NELL1: variants seen among roughly 807,000 people sequenced by gnomAD.
NELL1 encodes the protein protein kinase C-binding protein NELL1.
Under a neutral mutation model 107.4 loss-of-function variants are expected in NELL1, and 76 were observed. The observed-to-expected ratio is 0.71, with a 90% confidence interval of 0.59 to 0.86. The LOEUF (loss-of-function observed/expected upper bound fraction) is 0.86. Among genes scored for constraint, NELL1 ranks in the 40% least tolerant of loss-of-function variants. The pLI is 0.00. For missense variants in NELL1, 1,024 were observed against 1,005.5 expected (o/e 1.02, Z -0.25); for synonymous variants, 353 against 341.2 (o/e 1.03, Z -0.38).
At chr11:21,098,309 C>G (rs1414482208) in intron 12 of NELL1, among the ~76,000 whole-genome samples, 1 of 152,192 alleles carries the variant, frequency 6.6e-6, no homozygotes, top group Admixed American at 6.5e-5. Flanking sequence ...TTATCACCTT[C>G]TTGTGACAGT....
At chr11:21,277,132 T>A (rs1434716689) in intron 14 of NELL1, among the ~76,000 whole-genome samples, 1 of 151,296 alleles carries the variant, frequency 6.6e-6, no homozygotes, top group East Asian at 1.9e-4. Flanking sequence ...TGGGAGAAAA[T>A]TTTTGCAATC....
chr11:21,528,333 G>T (rs1193232714), intron 15 of NELL1, among the ~76,000 whole-genome samples: 1 of 152,114 alleles, frequency 6.6e-6, no homozygotes, highest in Non-Finnish European at 1.5e-5. Context: ...TGTTAGGAGG[G>T]GGGCCGAGTA....
At chr11:20,939,723 GA>G (rs1348613686) in intron 10 of NELL1, among the ~76,000 whole-genome samples, 1 of 152,132 alleles carries the variant, frequency 6.6e-6, no homozygotes, top group Non-Finnish European at 1.5e-5. Context: ...GACTGGATCA[GA>G]AGAAGCCAAA....
chr11:20,726,638 G>A (rs1466486985), intron 2 of NELL1, among the ~76,000 whole-genome samples: 2 of 151,650 alleles, frequency 1.3e-5, no homozygotes, highest in Non-Finnish European at 2.9e-5. Flanking sequence ...GGGTACATGT[G>A]CACAATGTGC....
chr11:20,694,257 GATC>G (rs1854553499), intron 2 of NELL1, among the ~76,000 whole-genome samples: 1 of 152,032 alleles, frequency 6.6e-6, no homozygotes, highest in Non-Finnish European at 1.5e-5. Context: ...GGAGTAGTTT[GATC>G]ATCTGAAGCC....
rs1034728806 is a variant in NELL1 at position 21,240,773 on chromosome 11, G to A, written c.1549+11319G>A. 2.8e-5 allele frequency among the ~76,000 whole-genome samples: 4 copies of A among 144,224 alleles called. No individual in the cohort carries two copies. The East Asian group carries it at 6.2e-4, about 23-fold the overall frequency. The allele number at this position is 144,224 out of a possible 152,430, so 94.6% of individuals were successfully genotyped here. Reference sequence around the variant, plus strand: ...CTTCAAGTGCCTTTCTAGTGGGGGGGGGGAGGGGGGAGTCTATTGGATGCG... The same window carrying A: ...CTTCAAGTGCCTTTCTAGTGGGGGGAGGGAGGGGGGAGTCTATTGGATGCG... On this transcript the variant is annotated intron_variant, in intron 14 of 19. Coordinates refer to ENST00000357134, the MANE Select transcript of NELL1 (RefSeq NM_006157.5).
intron 12 of NELL1, among the ~76,000 whole-genome samples, chr11:21,090,846 G>A (rs547306218): frequency 9.2e-5 from 14 of 152,136 alleles, no homozygotes; most frequent in Non-Finnish European, 1.9e-4. Context: ...TCCTATTATT[G>A]GATATAATCT....
At chr11:21,220,496 A>G (rs1033128506) in intron 13 of NELL1, among the ~76,000 whole-genome samples, 7 of 152,142 alleles carry the variant, frequency 4.6e-5, no homozygotes, top group African/African-American at 1.7e-4. Flanking sequence ...TAATTCTTTC[A>G]ATTCATGAAC....
intron 13 of NELL1, among the ~76,000 whole-genome samples, chr11:21,153,658 T>C (rs1461308072): frequency 6.6e-6 from 1 of 152,184 alleles, no homozygotes; most frequent in African/African-American, 2.4e-5. Flanking sequence ...ACACTTACTA[T>C]CACTCTTGGC....
chr11:21,049,866 C>T lies in NELL1; in HGVS notation c.1301-63723C>T, dbSNP rs1199432586. ...CTAATTTTTGTATTTTTAGTAGAGA[C>T]GGTGTTTCACCATATTGGTCAGTCT... On this transcript the variant is annotated intron_variant, in intron 12 of 19. Coordinates refer to ENST00000357134, the MANE Select transcript of NELL1 (RefSeq NM_006157.5). Among the ~76,000 whole-genome samples, 15 of 152,130 alleles carry T rather than the reference C, an allele frequency of 9.9e-5. No individual in the cohort carries two copies. In the South Asian group the frequency reaches 2.1e-3, roughly 21 times the overall value.
chr11:20,897,936 A>G (rs986759513), intron 5 of NELL1, among the ~76,000 whole-genome samples: 12 of 152,154 alleles, frequency 7.9e-5, no homozygotes, highest in African/African-American at 2.9e-4. Flanking sequence ...GCTGGAGAGG[A>G]TGTGTAGAAA....
intron 15 of NELL1, among the ~76,000 whole-genome samples, chr11:21,425,157 A>G (rs911210806): frequency 7.2e-5 from 11 of 152,190 alleles, no homozygotes; most frequent in African/African-American, 2.4e-4. Flanking sequence ...AGCAAACTCA[A>G]TGACTCAATA....
rs549001510 is a variant in NELL1 at position 21,560,635 on chromosome 11, G to C, written c.1980+253G>C. On this transcript the variant is annotated intron_variant, in intron 17 of 19. Coordinates refer to ENST00000357134, the MANE Select transcript of NELL1 (RefSeq NM_006157.5). ...AGGGAAGGCGAAGCAGGGTAGAAAA[G>C]CCAATGATAGTCCTCCCACTGAAAG... Among the ~76,000 whole-genome samples, 327 of 152,198 alleles carry C rather than the reference G, an allele frequency of 2.1e-3. 2 individuals carry two copies. The highest frequency in any genetic ancestry group is 3.7e-3 in the Non-Finnish European group (253 of 67,996).
intron 8 of NELL1, among the ~76,000 whole-genome samples, chr11:20,928,083 A>G (rs1353120424): frequency 1.3e-5 from 2 of 152,238 alleles, no homozygotes; most frequent in African/African-American, 4.8e-5. Flanking sequence ...CAGAGTCTGC[A>G]AATGTGTTAT....
At chr11:21,129,484 C>T (rs1014442028) in intron 13 of NELL1, among the ~76,000 whole-genome samples, 7 of 151,908 alleles carry the variant, frequency 4.6e-5, no homozygotes, top group Non-Finnish European at 8.8e-5. Context: ...GCATTATTGA[C>T]AATAAAGTGT....
intron 15 of NELL1, among the ~76,000 whole-genome samples, chr11:21,446,361 T>C (rs1853428230): frequency 6.6e-6 from 1 of 152,104 alleles, no homozygotes; most frequent in Admixed American, 6.5e-5. Context: ...TCAGTTCTTT[T>C]GGTGAAGTTA....
chr11:20,698,566 A>G (rs1309916275), intron 2 of NELL1, among the ~76,000 whole-genome samples: 3 of 152,220 alleles, frequency 2.0e-5, no homozygotes, highest in African/African-American at 7.2e-5. Context: ...AATAATAATG[A>G]TAATGTCCAA....
chr11:21,492,051 A>C (rs1489410836), intron 15 of NELL1, among the ~76,000 whole-genome samples: 1 of 152,174 alleles, frequency 6.6e-6, no homozygotes, highest in East Asian at 1.9e-4. Context: ...TTTACAAGGA[A>C]AAAACAAACA....
Position 21,044,136 on chromosome 11 carries a change from A to T in NELL1, c.1301-69453A>T, listed in dbSNP as rs551296561. Among the ~76,000 whole-genome samples, 5 of 152,266 alleles carry T rather than the reference A, an allele frequency of 3.3e-5. No individual in the cohort carries two copies. The South Asian group carries it at 8.3e-4, about 25-fold the overall frequency. Reference sequence around the variant, plus strand: ...CTTGAAGTTTAGAGTTAGGGTGCAGATGGAGAAGCCAACAAAGAGGATGGA... The same window carrying T: ...CTTGAAGTTTAGAGTTAGGGTGCAGTTGGAGAAGCCAACAAAGAGGATGGA... On this transcript the variant is annotated intron_variant, in intron 12 of 19. Coordinates refer to ENST00000357134, the MANE Select transcript of NELL1 (RefSeq NM_006157.5).
Sources: allele counts gnomAD v4.1 joint callset (sites outside exome capture counted in the v4.1 genomes callset), GRCh38; gene constraint gnomAD v4.1.1; transcripts MANE v1.5; gene names NCBI Gene and HGNC (gene_info 2026-07-23, HGNC 2026-07-21).